The following RASA2 variants were observed in gnomAD, a reference collection of about 807,000 sequenced individuals.
RASA2 encodes the protein ras GTPase-activating protein 2.
RASA2 carries 155 observed loss-of-function variants against 118.2 expected under a neutral mutation model. The observed-to-expected ratio is 1.31, with a 90% CI of 1.15 to 1.50. The LOEUF is 1.50. RASA2 is among the 40% of genes most tolerant of loss of function. The pLI is 0.00. For synonymous variants in RASA2, 353 were observed against 349.1 expected (o/e 1.01, Z -0.12); for missense variants, 1,016 against 1,009.6 (o/e 1.01, Z -0.09).
intron 1 of RASA2, among the ~76,000 whole-genome samples, chr3:141,511,768 G>A (rs2081954466): frequency 6.6e-6 from 1 of 151,998 alleles, no homozygotes; most frequent in African/African-American, 2.4e-5. Context: ...TTTAAGTTGA[G>A]AAATTCCCAT....
chr3:141,601,234 C>T (rs957998710), intron 19 of RASA2, among the ~76,000 whole-genome samples: 2 of 152,102 alleles, frequency 1.3e-5, no homozygotes, highest in South Asian at 4.2e-4. Context: ...CAAGACCAGC[C>T]TGGGCAATAT....
At chr3:141,552,401 T>G (rs2082587960) in intron 5 of RASA2, among the ~76,000 whole-genome samples, 1 of 152,218 alleles carries the variant, frequency 6.6e-6, no homozygotes, top group Admixed American at 6.5e-5. Flanking sequence ...CTTGGCCAGC[T>G]TCTTACAAGT....
intron 5 of RASA2, among the ~76,000 whole-genome samples, chr3:141,550,926 G>A (rs909308816): frequency 4.6e-5 from 7 of 152,092 alleles, no homozygotes; most frequent in South Asian, 2.1e-4. Flanking sequence ...GTTTAATTCC[G>A]CTCAGTATGT....
intron 15 of RASA2, among the ~76,000 whole-genome samples, chr3:141,577,722 G>C (rs190266558): frequency 6.6e-6 from 1 of 152,088 alleles, no homozygotes; most frequent in Non-Finnish European, 1.5e-5. Context: ...AGTGAAAGGC[G>C]TAGGAACTTT....
intron 1 of RASA2, among the ~76,000 whole-genome samples, chr3:141,501,005 T>C (rs2081770582): frequency 6.6e-6 from 1 of 152,212 alleles, no homozygotes; most frequent in South Asian, 2.1e-4. Context: ...TTTAGTAAGA[T>C]ACACCTGTCT....
At chr3:141,525,527 T>C (rs1234641203) in intron 3 of RASA2, among the ~76,000 whole-genome samples, 2 of 152,122 alleles carry the variant, frequency 1.3e-5, no homozygotes, top group East Asian at 3.8e-4. Context: ...AATCAACAAC[T>C]GGCCACAGTG....
At chr3:141,488,312 TTTC>T (rs2081603095) in intron 1 of RASA2, among the ~76,000 whole-genome samples, 2 of 152,182 alleles carry the variant, frequency 1.3e-5, no homozygotes, top group Admixed American at 6.5e-5. Flanking sequence ...ATGCTTCATG[TTTC>T]TTATAAATAA....
chr3:141,558,060 C>T (rs999384045), intron 7 of RASA2, among the ~76,000 whole-genome samples: 1 of 152,062 alleles, frequency 6.6e-6, no homozygotes, highest in Non-Finnish European at 1.5e-5. Flanking sequence ...TAGAGGTATA[C>T]AATACAGGAG....
intron 1 of RASA2, among the ~76,000 whole-genome samples, chr3:141,504,569 A>T (rs943153623): frequency 6.6e-6 from 1 of 152,096 alleles, no homozygotes; most frequent in African/African-American, 2.4e-5. Flanking sequence ...CATTCTCTCC[A>T]GACCCGTGTC....
chr3:141,590,675 T>A (rs1196231102), intron 19 of RASA2, among the ~76,000 whole-genome samples: 1 of 152,228 alleles, frequency 6.6e-6, no homozygotes, highest in Admixed American at 6.5e-5. Flanking sequence ...ACTATGTGAC[T>A]TTGGTGTCTG....
chr3:141,560,529 C>T (rs1264425887), intron 9 of RASA2, among the ~76,000 whole-genome samples: 2 of 152,046 alleles, frequency 1.3e-5, no homozygotes, highest in Non-Finnish European at 2.9e-5. Flanking sequence ...CTTTTTAGGG[C>T]TCTTGGTTTT....
chr3:141,606,397 T>G (rs960568733), intron 19 of RASA2, among the ~76,000 whole-genome samples: 1 of 152,220 alleles, frequency 6.6e-6, no homozygotes, highest in African/African-American at 2.4e-5. Context: ...CCACCCAATT[T>G]AAAGTAATTT....
Position 141,544,922 on chromosome 3 carries a change from T to C in RASA2, c.527+4313T>C, listed in dbSNP as rs117197306. Among the ~76,000 whole-genome samples, 78 of 152,224 alleles carry C rather than the reference T, an allele frequency of 5.1e-4. 1 individual carries two copies. In the East Asian group the frequency reaches 0.014, roughly 28 times the overall value. On this transcript the variant is annotated intron_variant, in intron 5 of 23. Transcript: ENST00000286364. ...ACCAAATACTGCACGTGCTCACTTA[T>C]AGTGGGAGCTAAATGATGAGAATGC...
chr3:141,542,753 T>C (rs1454620509), intron 5 of RASA2, among the ~76,000 whole-genome samples: 1 of 152,186 alleles, frequency 6.6e-6, no homozygotes, highest in Non-Finnish European at 1.5e-5. Flanking sequence ...ACCATAAAGA[T>C]ATCTCTCATC....
chr3:141,585,597 A>G (rs1262361844), intron 17 of RASA2, among the ~76,000 whole-genome samples: 5 of 152,102 alleles, frequency 3.3e-5, no homozygotes, highest in Non-Finnish European at 7.4e-5. Flanking sequence ...CCAGGAGTTC[A>G]AGACCAGCCT....
chr3:141,603,043 A>G (rs1323419014), intron 19 of RASA2, among the ~76,000 whole-genome samples: 2 of 152,208 alleles, frequency 1.3e-5, no homozygotes, highest in Non-Finnish European at 2.9e-5. Context: ...ACCCCCAGGT[A>G]GGAAGACCAT....
At chr3:141,573,316 A>T (rs2082954082) in intron 13 of RASA2, 95 bp downstream of exon 13, 5 of 1,304,194 alleles carry the variant, frequency 3.8e-6, no homozygotes, top group Non-Finnish European at 5.1e-6. Context: ...ATATAGAGGG[A>T]AGCAGTGCTG....
intron 1 of RASA2, among the ~76,000 whole-genome samples, chr3:141,510,625 C>G (rs1184619514): frequency 1.3e-5 from 2 of 152,104 alleles, no homozygotes; most frequent in Non-Finnish European, 2.9e-5. Context: ...ATAGAATAGT[C>G]AAGGAAGATT....
At chr3:141,542,503 TC>T (rs1318119145) in intron 5 of RASA2, among the ~76,000 whole-genome samples, 1 of 152,136 alleles carries the variant, frequency 6.6e-6, no homozygotes, top group African/African-American at 2.4e-5. Flanking sequence ...TTGATTTTTT[TC>T]CCCCAACTTT....
Sources: allele counts gnomAD v4.1 joint callset (sites outside exome capture counted in the v4.1 genomes callset), GRCh38; gene constraint gnomAD v4.1.1; transcripts MANE v1.5; gene names NCBI Gene and HGNC (gene_info 2026-07-23, HGNC 2026-07-21).